The following POLI variants were observed in gnomAD, a reference collection of about 807,000 sequenced individuals.
The protein encoded by POLI is RAD30 homolog B.
Under a neutral mutation model 51.6 loss-of-function variants are expected in POLI, and 58 were observed. The ratio of observed to expected loss-of-function variants is 1.12; its 90% CI spans 0.91 to 1.40. The LOEUF (loss-of-function observed/expected upper bound fraction) is 1.40. Among genes scored for constraint, POLI ranks in the 40% most tolerant of loss-of-function variants. The probability of loss-of-function intolerance (pLI) is 0.00; values close to 1 mark genes in which losing one functional copy is unlikely to be tolerated. For synonymous variants in POLI, 322 were observed against 299.7 expected, an observed-to-expected ratio of 1.07 and a Z score of -0.77; for missense variants, 921 against 871.3, an observed-to-expected ratio of 1.06 and a Z score of -0.72.
rs770152829 is a variant in POLI at position 54,293,836 on chromosome 18, T to C, written c.1592T>C (p.Val531Ala). 2 of 1,610,286 alleles carry C rather than the reference T, an allele frequency of 1.2e-6. No individual in the cohort carries two copies. Among genetic ancestry groups the C allele is most frequent in the South Asian group, 1.1e-5 (1 of 90,638 alleles). Residue 531 changes from valine (V) to alanine (A), a missense_variant, in exon 10 of 10, where the codon GTC becomes GCC. Coordinates refer to ENST00000579534, the MANE Select transcript of POLI (RefSeq NM_007195.3). ...CSLPEGVDQEVFKQLPVDIQE... is the reference protein window; with the variant it reads ...CSLPEGVDQEAFKQLPVDIQE... ...CTTCCTGAAGGTGTTGACCAAGAAG[T>C]CTTCAAGCAGCTTCCAGTAGATATT...
At position 54,294,031 on chromosome 18, in the gene POLI, C is replaced by T; in HGVS notation, c.1787C>T (p.Ser596Phe). 1 of 1,613,552 alleles carries T rather than the reference C, an allele frequency of 6.2e-7. No individual in the cohort carries two copies. The highest frequency in any genetic ancestry group is 8.5e-7 in the Non-Finnish European group (1 of 1,179,596). ...TTATCCAGTAGCAAACAGGTATCCT[C>T]TGTATCTCCTTGTGAACCGGGAACA... ...DHLSSSKQVS[S>F]VSPCEPGTSG... The change falls in exon 10 of 10, where the codon TCT (serine) becomes TTT (phenylalanine). Residue 596 changes from serine (S) to phenylalanine (F), a missense_variant. Transcript: ENST00000579534.
chr18:54,312,127 C>G (rs978419996), intron 3 of POLI, among the ~76,000 whole-genome samples: 6 of 152,096 alleles, frequency 3.9e-5, no homozygotes, highest in African/African-American at 1.2e-4. Context: ...ATATTCCCCC[C>G]CAGCGTCTGT....
Position 54,298,024 on chromosome 18 carries a change from T to G in POLI, c.*3557T>G. Reference sequence around the variant, plus strand: ...CTTTGGAGATACGCAGTTTTTATTATATGTCTAGCTATAGATTTATCATGG... The same window carrying G: ...CTTTGGAGATACGCAGTTTTTATTAGATGTCTAGCTATAGATTTATCATGG... On this transcript the variant is annotated 3_prime_UTR_variant, in exon 10 of 10. Transcript: ENST00000579534. 1 of 968,848 alleles carries G rather than the reference T, an allele frequency of 1.0e-6. No individual in the cohort carries two copies. The highest frequency in any genetic ancestry group is 1.2e-6 in the Non-Finnish European group (1 of 814,822). 60.0% of individuals were successfully genotyped at this position (968,848 alleles called of 1,614,324 possible). A position where few individuals can be genotyped will look rare whatever the true frequency, so the allele number is the denominator to read the frequency against.
chr18:54,270,046 C>A (rs1599144648), intron 1 of POLI: 2 of 1,002,508 alleles, frequency 2.0e-6, no homozygotes, highest in East Asian at 2.1e-4. Flanking sequence ...GGACCCGGAT[C>A]TCAGTCCTGG....
chr18:54,307,141 T>G (rs1015536972), intron 3 of POLI, among the ~76,000 whole-genome samples: 41 of 152,130 alleles, frequency 2.7e-4, no homozygotes, highest in African/African-American at 6.5e-4. Context: ...GCTTTTGAAT[T>G]TGTTTGCTCT....
chr18:54,311,234 T>C, intron 3 of POLI: 1 of 259,504 alleles, frequency 3.9e-6, no homozygotes, highest in Non-Finnish European at 6.0e-6. Context: ...CTGTTGTTGA[T>C]GCATCTACCT....
intron 3 of POLI, among the ~76,000 whole-genome samples, chr18:54,319,767 G>A (rs1374770702): frequency 6.6e-6 from 1 of 152,084 alleles, no homozygotes; most frequent in African/African-American, 2.4e-5. Flanking sequence ...CAAACATGCA[G>A]TACCTGGTAT....
intron 1 of POLI, chr18:54,269,945 C>A (rs1028855927): frequency 8.5e-7 from 1 of 1,179,562 alleles, no homozygotes; most frequent in Admixed American, 4.6e-5. Context: ...GGGCGGGAAT[C>A]CCTCAGCCAG....
rs1423517710 is a variant in POLI, at chr18:54,297,792, C to A, written c.*3325C>A. On this transcript the variant is annotated 3_prime_UTR_variant, in exon 10 of 10. Transcript: ENST00000579534. ...TAATTCTAATTAAATTCCACAAGTT[C>A]TTTATTAAATCTCCAAATTGGATAT... 2 of 958,970 alleles carry A rather than the reference C, an allele frequency of 2.1e-6. No individual in the cohort carries two copies. The highest frequency in any genetic ancestry group is 2.5e-6 in the Non-Finnish European group (2 of 805,974). 59.4% of individuals were successfully genotyped at this position (958,970 alleles called of 1,614,324 possible).
At chr18:54,312,132 G>A (rs779239631) in intron 3 of POLI, among the ~76,000 whole-genome samples, 34 of 151,886 alleles carry the variant, frequency 2.2e-4, no homozygotes, top group South Asian at 6.2e-4. Context: ...CCCCCCCAGC[G>A]TCTGTTGTTT....
chr18:54,307,777 G>T (rs1288185878), intron 3 of POLI, among the ~76,000 whole-genome samples: 1 of 152,102 alleles, frequency 6.6e-6, no homozygotes, highest in African/African-American at 2.4e-5. Context: ...CCTGTATTGG[G>T]TGCATATATA....
At chr18:54,270,893 C>T (rs2086975775) in intron 1 of POLI, 1 of 152,750 alleles carries the variant, frequency 6.5e-6, no homozygotes, top group African/African-American at 2.4e-5. Context: ...TAAAAATAGC[C>T]CACACTTGTA....
rs147893588 is a variant in POLI, at chr18:54,291,706, T to G, written c.1199-127T>G. 1,698 of 540,176 alleles carry G rather than the reference T, an allele frequency of 3.1e-3. 9 individuals are homozygous for G. Among genetic ancestry groups the G allele is most frequent in the Non-Finnish European group, 4.6e-3 (1,428 of 307,164 alleles). 33.5% of individuals were successfully genotyped at this position (540,176 alleles called of 1,614,324 possible). The stretch of plus-strand genomic sequence containing the variant: ...CATTTAGTATTAATATTGAAATGTC[T>G]TAATTTGGTATATAATGTCAAGATG... On this transcript the variant is annotated intron_variant, in intron 8 of 9. Transcript: ENST00000579534.
chr18:54,277,852 CAG>C lies in POLI; in HGVS notation c.557_558del (p.Gln186LeufsTer6), dbSNP rs2087319282. 1 of 1,608,920 alleles carries C rather than the reference CAG, an allele frequency of 6.2e-7. No individual in the cohort carries two copies. Among genetic ancestry groups the C allele is most frequent in the East Asian group, 2.2e-5 (1 of 44,850 alleles). On this transcript the variant is annotated frameshift_variant and splice_region_variant, in exon 4 of 10. Coordinates refer to ENST00000579534, the MANE Select transcript of POLI (RefSeq NM_007195.3). LOFTEE classifies it high-confidence loss of function. Reference protein sequence around the residue: ...VTVSGHVYNNQSINLLDVLHI... With the variant: ...VTVSGHVYNNXSINLLDVLHI... ...TGTGTCGGGTCATGTATACAATAAT[CAG>C]TGTGAGTGGGTTCTTATTCATTCTA...
Position 54,294,551 on chromosome 18 carries a change from A to ATTCTT in POLI, c.*84_*85insTTCTT. 1 of 1,430,206 alleles carries ATTCTT rather than the reference A, an allele frequency of 7.0e-7. No individual in the cohort carries two copies. The highest frequency in any genetic ancestry group is 9.1e-7 in the Non-Finnish European group (1 of 1,095,840). 88.6% of individuals were successfully genotyped at this position (1,430,206 alleles called of 1,614,324 possible). On this transcript the variant is annotated 3_prime_UTR_variant, in exon 10 of 10. Coordinates refer to ENST00000579534, the MANE Select transcript of POLI (RefSeq NM_007195.3). ...TTTATTAAGCTCTTCTATATTAAAC[A>ATTCTT]CTAATAGATATTCAATAACGGAGTA...
Position 54,274,030 on chromosome 18 carries a change from T to C in POLI, c.346T>C (p.Leu116=), listed in dbSNP as rs760675576. Residue 116 remains leucine, a synonymous_variant, in exon 3 of 10, where the codon TTG becomes CTG. Coordinates refer to ENST00000579534, the MANE Select transcript of POLI (RefSeq NM_007195.3). The stretch of plus-strand genomic sequence containing the variant: ...AGATGCAAAAGAAAAGTGTCCACAG[T>C]TGGTATTAGTTAATGGAGAAGACCT... ...VRDAKEKCPQ[L]VLVNGEDLTR... is the part of the protein sequence containing the mutation. 1.9e-6 allele frequency: 3 copies of C among 1,571,332 alleles called. No homozygotes were observed. Among genetic ancestry groups the C allele is most frequent in the East Asian group, 2.3e-5 (1 of 42,710 alleles).
rs113051539 is a variant in POLI at position 54,286,300 on chromosome 18, A to AT, written c.1068-975dup. Among the ~76,000 whole-genome samples the AT allele has an allele frequency of 7.6e-3, 1,152 of 152,224 alleles. 15 individuals are homozygous for AT. Among genetic ancestry groups the AT allele is most frequent in the African/African-American group, 0.026 (1,094 of 41,536 alleles). On this transcript the variant is annotated intron_variant, in intron 7 of 9. Coordinates refer to ENST00000579534, the MANE Select transcript of POLI (RefSeq NM_007195.3). ...AAGGGAAATGTTATCCTTTAATGAC[A>AT]TTTTTTCCAGTACTACTTAAGTGAA...
At chr18:54,315,958 T>C (rs2088729918) in intron 3 of POLI, among the ~76,000 whole-genome samples, 1 of 151,966 alleles carries the variant, frequency 6.6e-6, no homozygotes, top group Admixed American at 6.6e-5. Flanking sequence ...CTTTGTTGCC[T>C]AGACTGGAAT....
downstream of POLI, among the ~76,000 whole-genome samples, chr18:54,300,431 C>A (rs1035966425): frequency 6.6e-6 from 1 of 151,772 alleles, no homozygotes; most frequent in Admixed American, 6.6e-5. Context: ...ATAATATAAA[C>A]CCTAAAATAA....
Sources: gnomAD v4.1 joint callset for allele counts (sites outside exome capture counted in the v4.1 genomes callset) on GRCh38, gnomAD v4.1.1 for gene constraint, MANE v1.5 for transcripts, NCBI Gene and HGNC (gene_info 2026-07-23, HGNC 2026-07-21) for gene names.